The following ZSCAN18 variants were observed in gnomAD, a reference collection of about 807,000 sequenced individuals.
The protein encoded by ZSCAN18 is zinc finger and SCAN domain containing 18.
ZSCAN18 carries 16 observed loss-of-function variants against 31.1 expected under a neutral mutation model. The ratio of observed to expected loss-of-function variants is 0.51; its 90% CI spans 0.35 to 0.78. The LOEUF is 0.78. Ranked by LOEUF, ZSCAN18 falls within the 30% of genes least tolerant of loss-of-function variation. The pLI is 0.01. For synonymous variants in ZSCAN18, 375 were observed against 320.7 expected (o/e 1.17, Z -1.81); for missense variants, 731 against 697.4 (o/e 1.05, Z -0.54).
At chr19:58,117,093 T>C (rs1024540863) in intron 1 of ZSCAN18, among the ~76,000 whole-genome samples, 4 of 152,192 alleles carry the variant, frequency 2.6e-5, no homozygotes, top group African/African-American at 7.2e-5. Context: ...ATTTATGTCA[T>C]TGTAAAACGC....
intron 3 of ZSCAN18, 55 bp downstream of exon 3, chr19:58,088,633 G>A: frequency 6.3e-7 from 1 of 1,579,312 alleles, no homozygotes; most frequent in South Asian, 1.1e-5. Context: ...ACAGGCCTCT[G>A]CCCAACACCC....
At chr19:58,085,464 A>T in intron 6 of ZSCAN18, 85 bp from the exon 7 acceptor site, 2 of 1,236,574 alleles carry the variant, frequency 1.6e-6, no homozygotes, top group Non-Finnish European at 2.2e-6. Context: ...CTGCCGGAAC[A>T]GCGCACAGGG....
chr19:58,085,258 G>T lies in ZSCAN18; in HGVS notation c.960C>A (p.Gly320=). Residue 320 remains glycine (G), a synonymous_variant, in exon 7 of 7, where the codon GGC becomes GGA. Transcript: ENST00000601144. ...PGDALADPPS[G]TTEEEEEQPG... is the part of the protein sequence containing the mutation. ...GCTGCTCTTCCTCCTCCTCAGTGGTGCCCGACGGGGGATCGGCAAGGGCGT... is the reference window on the plus strand; with the variant it reads ...GCTGCTCTTCCTCCTCCTCAGTGGTTCCCGACGGGGGATCGGCAAGGGCGT... The T allele has an allele frequency of 2.5e-6, 4 of 1,604,542 alleles. No homozygotes were observed. The highest frequency in any genetic ancestry group is 2.5e-6 in the Non-Finnish European group (3 of 1,178,198).
chr19:58,087,650 G>C (rs2074310510), intron 3 of ZSCAN18: 1 of 472,104 alleles, frequency 2.1e-6, no homozygotes, highest in Admixed American at 3.8e-5. Context: ...TTTTTTTTTG[G>C]TTTGTTTGTT....
chr19:58,086,312 G>C, intron 5 of ZSCAN18, 46 bp from the exon 6 acceptor site: 1 of 1,558,584 alleles, frequency 6.4e-7, no homozygotes, highest in Non-Finnish European at 8.8e-7. Flanking sequence ...TCAACACAGA[G>C]TGGCTGATGG....
At position 58,084,885 on chromosome 19, in the gene ZSCAN18, C is replaced by T; in HGVS notation, c.1333G>A (p.Gly445Ser). Reference protein sequence around the residue: ...HGGRKRYACQGCWKTFHFSLA... With the variant: ...HGGRKRYACQSCWKTFHFSLA... ...CTGAAGTGGAAGGTCTTCCAGCAGC[C>T]CTGACAGGCGTAGCGCTTCCGGCCG... The change falls in exon 7 of 7, where the codon GGC (glycine) becomes AGC (serine). Residue 445 changes from glycine to serine, a missense_variant. Coordinates refer to ENST00000601144, the MANE Select transcript of ZSCAN18 (RefSeq NM_001145543.2). The surrounding 1 kb of genome is among the most constrained non-coding windows in gnomAD (Gnocchi z 4.5). 1.3e-6 allele frequency: 2 copies of T among 1,597,206 alleles called. No individual in the cohort carries two copies. The highest frequency in any genetic ancestry group is 1.7e-6 in the Non-Finnish European group (2 of 1,173,656).
intron 1 of ZSCAN18, among the ~76,000 whole-genome samples, chr19:58,116,797 C>T (rs762129922): frequency 6.6e-6 from 1 of 152,198 alleles, no homozygotes; most frequent in Non-Finnish European, 1.5e-5. Flanking sequence ...CAGGCTTCCA[C>T]TGAATCGTGA....
At chr19:58,087,679 G>C (rs1296832155) in intron 3 of ZSCAN18, 1 of 370,678 alleles carries the variant, frequency 2.7e-6, no homozygotes, top group East Asian at 5.9e-5. Context: ...ACAGGGTCTT[G>C]CTCTGTCACC....
At chr19:58,109,076 C>A (rs1333668020) in intron 1 of ZSCAN18, 2 of 1,226,556 alleles carry the variant, frequency 1.6e-6, no homozygotes, top group East Asian at 3.2e-5. Context: ...ATGGTGACCA[C>A]AGCCCCTCAT....
chr19:58,102,196 C>T (rs977871365), upstream of ZSCAN18, among the ~76,000 whole-genome samples: 10 of 152,092 alleles, frequency 6.6e-5, no homozygotes, highest in African/African-American at 2.4e-4. Flanking sequence ...CAGTGGTTCA[C>T]GCCTGTAATC....
upstream of ZSCAN18, among the ~76,000 whole-genome samples, chr19:58,102,816 T>C (rs146119005): frequency 3.8e-3 from 580 of 152,290 alleles, 3 homozygotes; most frequent in Non-Finnish European, 6.3e-3. Context: ...GATGGTAACA[T>C]GTACATTTTA....
At chr19:58,086,473 G>A (rs2074282558) in intron 5 of ZSCAN18, 2 of 530,940 alleles carry the variant, frequency 3.8e-6, no homozygotes, top group Non-Finnish European at 6.7e-6. Context: ...GCAGGCGGAG[G>A]CAGGACTCAG....
At chr19:58,099,555 G>C (rs2074574844), upstream of ZSCAN18, among the ~76,000 whole-genome samples, 1 of 151,972 alleles carries the variant, frequency 6.6e-6, no homozygotes, top group Non-Finnish European at 1.5e-5. Flanking sequence ...ATGAACATTC[G>C]TGTACAGATT....
upstream of ZSCAN18, among the ~76,000 whole-genome samples, chr19:58,102,511 T>G (rs2074603501): frequency 2.0e-5 from 3 of 152,156 alleles, no homozygotes; most frequent in Non-Finnish European, 4.4e-5. Flanking sequence ...TCTTCTGTGC[T>G]GTTTGGCTTC....
At chr19:58,118,331 G>A (rs749261842) in exon 1 of ZSCAN18, 115 of 1,531,706 alleles carry the variant, frequency 7.5e-5, no homozygotes, top group Non-Finnish European at 9.8e-5. Context: ...GAGAGGCCGC[G>A]AGAGGACGGA....
Position 58,109,179 on chromosome 19 carries a change from G to A in ZSCAN18, c.130+9088C>T, listed in dbSNP as rs893653238. The A allele has an allele frequency of 4.4e-5, 54 of 1,231,318 alleles. No individual in the cohort carries two copies. The Middle Eastern group carries it at 9.4e-4, about 21-fold the overall frequency. 76.3% of individuals were successfully genotyped at this position (1,231,318 alleles called of 1,614,324 possible). On this transcript the variant is annotated intron_variant, in intron 1 of 1. Coordinates refer to the ZSCAN18 transcript ENST00000595721. ...TTTCTACCTGGTCCTCACATTCCCA[G>A]ACCTCTCCTAATGCAGATAAAACAG...
chr19:58,099,891 T>C (rs115794543), upstream of ZSCAN18, among the ~76,000 whole-genome samples: 998 of 152,210 alleles, frequency 6.6e-3, 12 homozygotes, highest in African/African-American at 0.023. Context: ...TATACCCTCT[T>C]CATTAAAGTA....
At chr19:58,117,892 A>C (rs1302550994) in intron 1 of ZSCAN18, among the ~76,000 whole-genome samples, 1 of 151,942 alleles carries the variant, frequency 6.6e-6, no homozygotes, top group Non-Finnish European at 1.5e-5. Flanking sequence ...GGGCGAAGGG[A>C]GAGGAAATTC....
intron 1 of ZSCAN18, among the ~76,000 whole-genome samples, chr19:58,111,100 G>A (rs1057391784): frequency 3.5e-4 from 53 of 152,150 alleles, no homozygotes; most frequent in African/African-American, 8.9e-4. Flanking sequence ...CCCGGGAGGC[G>A]GAGCTTGCAG....
Sources: allele counts gnomAD v4.1 joint callset (sites outside exome capture counted in the v4.1 genomes callset), GRCh38; gene constraint gnomAD v4.1.1; non-coding constraint Gnocchi (gnomAD v3.1); transcripts MANE v1.5; gene names NCBI Gene and HGNC (gene_info 2026-07-23, HGNC 2026-07-21).